BBS9: variants seen among roughly 807,000 people sequenced by gnomAD.
BBS9 encodes Bardet-Biedl syndrome 9, also known as protein PTHB1.
A neutral mutation model predicts 117.7 loss-of-function variants in BBS9; 89 were observed. The ratio of observed to expected loss-of-function variants is 0.76; its 90% CI spans 0.64 to 0.90. The LOEUF (loss-of-function observed/expected upper bound fraction) is 0.90. Among genes scored for constraint, BBS9 ranks in the 40% least tolerant of loss-of-function variants. The pLI is 0.00. For synonymous variants in BBS9, 379 were observed against 370.9 expected (o/e 1.02, Z -0.25); for missense variants, 982 against 1,042.2 (o/e 0.94, Z 0.80).
intron 19 of BBS9, among the ~76,000 whole-genome samples, chr7:33,399,059 T>C (rs1471664821): frequency 6.6e-6 from 1 of 152,232 alleles, no homozygotes; most frequent in Non-Finnish European, 1.5e-5. Flanking sequence ...ATGAGGTATT[T>C]TATATTTCAT....
chr7:33,365,008 G>T (rs571919775), intron 16 of BBS9, among the ~76,000 whole-genome samples: 15 of 151,552 alleles, frequency 9.9e-5, no homozygotes, highest in Non-Finnish European at 1.9e-4. Context: ...GACTTACTGC[G>T]CCCAGCTGTT....
chr7:33,129,771 G>C lies in BBS9; in HGVS notation c.-282G>C, dbSNP rs1252658204. The C allele has an allele frequency of 6.5e-6, 1 of 152,672 alleles. No individual in the cohort carries two copies. Among genetic ancestry groups the C allele is most frequent in the Non-Finnish European group, 1.5e-5 (1 of 68,524 alleles). 9.5% of individuals were successfully genotyped at this position (152,672 alleles called of 1,614,324 possible). ...CCTCTGCTGGTCTCTGGGGGTGACG[G>C]GGGGCGCAGGGGAGCTTCTTGGGGG... On this transcript the variant is annotated 5_prime_UTR_variant, in exon 1 of 23. Coordinates refer to ENST00000242067, the MANE Select transcript of BBS9 (RefSeq NM_198428.3).
intron 4 of BBS9, among the ~76,000 whole-genome samples, chr7:33,159,318 T>C (rs1794509086): frequency 6.6e-6 from 1 of 152,158 alleles, no homozygotes; most frequent in Non-Finnish European, 1.5e-5. Context: ...GAACAGTGGA[T>C]TTTGTAAGGT....
chr7:33,518,111 T>G (rs942095120), intron 20 of BBS9, among the ~76,000 whole-genome samples: 8 of 152,112 alleles, frequency 5.3e-5, no homozygotes, highest in Non-Finnish European at 1.0e-4. Flanking sequence ...TAACTTTTAT[T>G]TGACAAATAA....
intron 19 of BBS9, among the ~76,000 whole-genome samples, chr7:33,434,716 A>G (rs1020798504): frequency 1.3e-5 from 2 of 152,178 alleles, no homozygotes; most frequent in Admixed American, 6.5e-5. Flanking sequence ...ATTTACAATT[A>G]TTTCAAAATT....
chr7:33,319,385 A>T (rs938285149), intron 9 of BBS9, among the ~76,000 whole-genome samples: 1 of 152,066 alleles, frequency 6.6e-6, no homozygotes, highest in African/African-American at 2.4e-5. Flanking sequence ...TCATAAACTG[A>T]CTTCTTTTCC....
intron 19 of BBS9, among the ~76,000 whole-genome samples, chr7:33,437,018 GA>G (rs1835398475): frequency 6.6e-6 from 1 of 152,092 alleles, no homozygotes; most frequent in Non-Finnish European, 1.5e-5. Context: ...TTTAATATAT[GA>G]TTTAAAATAT....
At chr7:33,148,898 A>G (rs1792849772) in intron 2 of BBS9, among the ~76,000 whole-genome samples, 3 of 152,176 alleles carry the variant, frequency 2.0e-5, no homozygotes, top group Admixed American at 1.3e-4. Context: ...TGCTGGGATT[A>G]TTGGCGTGAG....
intron 20 of BBS9, among the ~76,000 whole-genome samples, chr7:33,518,501 G>A (rs1220204723): frequency 2.0e-5 from 3 of 151,370 alleles, no homozygotes; most frequent in Non-Finnish European, 4.4e-5. Flanking sequence ...CGCCCGCCTC[G>A]GCCTCCCAAA....
rs568420049 is a variant in BBS9, at chr7:33,279,915, T to C, written c.1016+5959T>C. ...AGTAATGTTACTTTCTCTGGAGATA[T>C]CAAATAAATATATCTACAAGTGTGG... On this transcript the variant is annotated intron_variant, in intron 9 of 22. Transcript: ENST00000242067. 5.3e-5 allele frequency among the ~76,000 whole-genome samples: 8 copies of C among 152,328 alleles called. No homozygotes were observed. In the South Asian group the frequency reaches 8.3e-4, roughly 16 times the overall value.
chr7:33,426,787 T>G (rs1434095370), intron 19 of BBS9, among the ~76,000 whole-genome samples: 1 of 152,104 alleles, frequency 6.6e-6, no homozygotes, highest in Non-Finnish European at 1.5e-5. Flanking sequence ...GAGTGCCTAG[T>G]TGGTATTGGG....
chr7:33,218,465 A>C (rs2128235299), intron 5 of BBS9, among the ~76,000 whole-genome samples: 1 of 152,362 alleles, frequency 6.6e-6, no homozygotes, highest in South Asian at 2.1e-4. Flanking sequence ...TAAGAAAGCC[A>C]TTTTTGTAAA....
At chr7:33,601,579 T>C (rs1050920106) in intron 21 of BBS9, among the ~76,000 whole-genome samples, 5 of 152,230 alleles carry the variant, frequency 3.3e-5, no homozygotes, top group African/African-American at 1.2e-4. Flanking sequence ...CAGATGTCAA[T>C]TTAGTAGATG....
chr7:33,571,155 C>CT (rs1857717544), intron 21 of BBS9, among the ~76,000 whole-genome samples: 1 of 152,088 alleles, frequency 6.6e-6, no homozygotes, highest in African/African-American at 2.4e-5. Flanking sequence ...TGTTTTCAAT[C>CT]TTGCTCTAAA....
At chr7:33,518,806 G>C (rs1315212912) in intron 20 of BBS9, among the ~76,000 whole-genome samples, 1 of 152,162 alleles carries the variant, frequency 6.6e-6, no homozygotes, top group Non-Finnish European at 1.5e-5. Context: ...TTTGAGATTT[G>C]TGCTGCTCCC....
intron 5 of BBS9, among the ~76,000 whole-genome samples, chr7:33,221,843 TATG>T (rs1414082088): frequency 1.3e-5 from 2 of 152,118 alleles, no homozygotes; most frequent in Non-Finnish European, 2.9e-5. Flanking sequence ...ATGTCAAAAA[TATG>T]ATATGAAATA....
At chr7:33,455,296 C>T (rs150582007) in intron 19 of BBS9, among the ~76,000 whole-genome samples, 3 of 152,042 alleles carry the variant, frequency 2.0e-5, no homozygotes, top group Non-Finnish European at 4.4e-5. Context: ...ACACAAAGTC[C>T]ACCCTCTGTA....
chr7:33,634,521 A>G (rs1866050987), intron 21 of BBS9, among the ~76,000 whole-genome samples: 1 of 152,242 alleles, frequency 6.6e-6, no homozygotes, highest in Admixed American at 6.5e-5. Flanking sequence ...TAGGAATCAC[A>G]TAAGAGCATT....
At chr7:33,583,296 A>T (rs1442559197) in intron 21 of BBS9, among the ~76,000 whole-genome samples, 1 of 152,018 alleles carries the variant, frequency 6.6e-6, no homozygotes, top group Non-Finnish European at 1.5e-5. Context: ...ATCAGCTTAC[A>T]TGCATTTGAT....
Sources: gnomAD v4.1 joint callset for allele counts (sites outside exome capture counted in the v4.1 genomes callset) on GRCh38, gnomAD v4.1.1 for gene constraint, MANE v1.5 for transcripts, NCBI Gene and HGNC (gene_info 2026-07-23, HGNC 2026-07-21) for gene names.